Variants in STK10 observed in about 807,000 individuals in gnomAD.
The protein encoded by STK10 is serine/threonine-protein kinase 10.
STK10 carries 78 observed loss-of-function variants against 113.8 expected under a neutral mutation model. The observed-to-expected ratio is 0.69, with a 90% CI of 0.57 to 0.83. STK10 has a LOEUF of 0.83. Ranked by LOEUF, STK10 falls within the 40% of genes least tolerant of loss-of-function variation. The pLI is 0.00. For missense variants in STK10, 1,109 were observed against 1,280.1 expected (o/e 0.87, Z 2.04); for synonymous variants, 465 against 494.7 (o/e 0.94, Z 0.80).
rs150650972 is a variant in STK10, at chr5:172,102,873, T to A, written c.870+2783A>T. On this transcript the variant is annotated intron_variant, in intron 7 of 18. Transcript: ENST00000176763. ...TCCTGTGCAGCCAGCACTCTCTACA[T>A]CTTACAGATGAGGAAACTGAGGCAC... Among the ~76,000 whole-genome samples the A allele has an allele frequency of 4.9e-5, 7 of 142,044 alleles. No homozygotes were observed. In the East Asian group the frequency reaches 1.6e-3, roughly 33 times the overall value. 93.2% of individuals were successfully genotyped at this position (142,044 alleles called of 152,430 possible). A position where few individuals can be genotyped will look rare whatever the true frequency, so the allele number is the denominator to read the frequency against.
At chr5:172,167,275 A>C (rs7715706) in intron 1 of STK10, among the ~76,000 whole-genome samples, 60,613 of 151,838 alleles carry the variant, frequency 0.4, 13,235 homozygotes, top group African/African-American at 0.58. Flanking sequence ...CAATGGTTAA[A>C]TTAACTTAAT....
intron 3 of STK10, 148 bp from the exon 4 acceptor site, chr5:172,117,778 G>A (rs1163626381): frequency 1.8e-6 from 2 of 1,116,470 alleles, no homozygotes; most frequent in Non-Finnish European, 2.5e-6. Flanking sequence ...ACTTTGAGAG[G>A]CCGAGGCAGG....
rs1769084640 is a variant in STK10 at position 172,105,666 on chromosome 5, T to C, written c.860A>G (p.Gln287Arg). 2 of 1,613,818 alleles carry C rather than the reference T, an allele frequency of 1.2e-6. No individual in the cohort carries two copies. The highest frequency in any genetic ancestry group is 1.3e-5 in the African/African-American group (1 of 75,040). The part of the protein sequence containing the change: ...KNPETRPSAA[Q>R]LLEHPFVSSI... ...GGGGAATCCACTCACCTCCAGCAGCTGCGCGGCACTGGGTCGGGTTTCTGG... is the reference window on the plus strand; with the variant it reads ...GGGGAATCCACTCACCTCCAGCAGCCGCGCGGCACTGGGTCGGGTTTCTGG... The change falls in exon 7 of 19, where the codon CAG (glutamine) becomes CGG (arginine). Residue 287 changes from glutamine (Q) to arginine (R), a missense_variant. Gln to Arg is a conservative substitution (Grantham distance 43). Transcript: ENST00000176763.
intron 2 of STK10, among the ~76,000 whole-genome samples, chr5:172,146,058 T>C (rs1287115500): frequency 6.7e-6 from 1 of 150,316 alleles, no homozygotes; most frequent in African/African-American, 2.5e-5. Flanking sequence ...ACAGCACACG[T>C]CACCAACTCA....
At chr5:172,069,675 C>A (rs1451660754) in intron 12 of STK10, among the ~76,000 whole-genome samples, 1 of 152,132 alleles carries the variant, frequency 6.6e-6, no homozygotes, top group East Asian at 1.9e-4. Flanking sequence ...CAAAAGCTGA[C>A]AGAACTGAAT....
At chr5:172,076,882 T>G (rs574528508) in intron 12 of STK10, among the ~76,000 whole-genome samples, 21 of 152,154 alleles carry the variant, frequency 1.4e-4, no homozygotes, top group African/African-American at 4.8e-4. Flanking sequence ...TTTCTTGATT[T>G]TCCAGGACAG....
chr5:172,148,948 G>A (rs527851655), intron 2 of STK10, among the ~76,000 whole-genome samples: 13 of 152,336 alleles, frequency 8.5e-5, no homozygotes. Context: ...CACTTTGGGA[G>A]GCGGAGGGAG....
chr5:172,047,942 A>C (rs1168751046), intron 18 of STK10, among the ~76,000 whole-genome samples: 4 of 120,066 alleles, frequency 3.3e-5, no homozygotes, highest in Non-Finnish European at 6.3e-5. Flanking sequence ...TTGCTCTGTC[A>C]CCCAGGCTGG....
chr5:172,111,778 T>C (rs1769242947), intron 4 of STK10, among the ~76,000 whole-genome samples: 1 of 152,242 alleles, frequency 6.6e-6, no homozygotes, highest in South Asian at 2.1e-4. Flanking sequence ...GTTGTATCCC[T>C]GGCACGTTAT....
intron 12 of STK10, among the ~76,000 whole-genome samples, chr5:172,075,395 T>TG (rs1353285869): frequency 1.3e-5 from 2 of 151,804 alleles, no homozygotes; most frequent in Admixed American, 1.3e-4. Context: ...TACATATGGG[T>TG]GCCAGGCGCG....
chr5:172,091,761 T>C (rs1433830302), intron 9 of STK10, among the ~76,000 whole-genome samples: 1 of 152,202 alleles, frequency 6.6e-6, no homozygotes, highest in Non-Finnish European at 1.5e-5. Flanking sequence ...CTCGAACTCC[T>C]GACCTCGTGA....
chr5:172,055,449 CAA>C (rs1767726476), intron 16 of STK10, 137 bp downstream of exon 16: 8 of 941,136 alleles, frequency 8.5e-6, no homozygotes, highest in East Asian at 3.3e-5. Context: ...CTCGGCCTCT[CAA>C]AGTGTTGGGA....
chr5:172,093,406 T>C lies in STK10; in HGVS notation c.1554+6A>G. On this transcript the variant is annotated splice_donor_region_variant and intron_variant, in intron 9 of 18. Transcript: ENST00000176763. This position sits in a 1 kb window ranked among gnomAD's most constrained non-coding sequence, Gnocchi z 4.1. The stretch of plus-strand genomic sequence containing the variant: ...TGCAAGCCCGTGGTGGCAGAGGCGG[T>C]GTTACCTTGATGGACAGAGAGCCCA... 6.3e-7 allele frequency: 1 copy of C among 1,581,880 alleles called. No homozygotes were observed. The highest frequency in any genetic ancestry group is 8.6e-7 in the Non-Finnish European group (1 of 1,157,780).
rs1768454803 is a variant in STK10 at position 172,082,430 on chromosome 5, G to A, written c.1885C>T (p.Gln629Ter). 2 of 1,611,876 alleles carry A rather than the reference G, an allele frequency of 1.2e-6. No individual in the cohort carries two copies. The highest frequency in any genetic ancestry group is 1.7e-6 in the Non-Finnish European group (2 of 1,178,992). Reference sequence around the variant, plus strand: ...TCCCGGCGGCGCACGGCATGGTCTTGCTCCATCTTCTCCACTTGCTGCTTT... The same window carrying A: ...TCCCGGCGGCGCACGGCATGGTCTTACTCCATCTTCTCCACTTGCTGCTTT... ...QQKQQVEKME[Q>*]DHAVRRREEA... The change falls in exon 12 of 19, where the codon CAA becomes TAA. Residue 629 changes from glutamine (Q) to a stop codon, truncating the protein, a stop_gained. Coordinates refer to ENST00000176763, the MANE Select transcript of STK10 (RefSeq NM_005990.4). LOFTEE classifies it high-confidence loss of function. The surrounding 1 kb of genome is among the most constrained non-coding windows in gnomAD (Gnocchi z 4.3).
At chr5:172,147,298 C>T (rs543920591) in intron 2 of STK10, among the ~76,000 whole-genome samples, 13 of 152,160 alleles carry the variant, frequency 8.5e-5, no homozygotes, top group African/African-American at 3.1e-4. Context: ...GACTTCGTTA[C>T]ACAGGCATGA....
In STK10 at chr5:172,057,363, G is replaced by T. The variant is rs762092812; in HGVS notation, c.2323C>A (p.Arg775Ser). The stretch of plus-strand genomic sequence containing the variant: ...GGCAGCCTCACCTTCTCATGCTTGC[G>T]CAGCAGCTCGTGCCGCTGGAGGAAG... ...QYFLQRHELL[R>S]KHEKEREQMQ... Residue 775 changes from arginine (R) to serine (S), a missense_variant, in exon 15 of 19, where the codon CGC (arginine) becomes AGC (serine). Arg to Ser is a moderately radical substitution (Grantham distance 110, BLOSUM62 -1). This residue lies in a region of STK10 where 885 missense variants were observed against 991.1 expected (regional missense o/e 0.89). Transcript: ENST00000176763. 39 of 1,574,802 alleles carry T rather than the reference G, an allele frequency of 2.5e-5. No homozygotes were observed. In the East Asian group the frequency reaches 3.3e-4, roughly 13 times the overall value.
intron 4 of STK10, among the ~76,000 whole-genome samples, chr5:172,112,438 T>C (rs991902047): frequency 0.012 from 1,697 of 141,508 alleles, 28 homozygotes; most frequent in African/African-American, 0.041. Context: ...TTTTTTTTTT[T>C]TGAGACAGAG....
At chr5:172,058,082 C>T (rs566410533) in intron 14 of STK10, among the ~76,000 whole-genome samples, 1 of 152,300 alleles carries the variant, frequency 6.6e-6, no homozygotes, top group Admixed American at 6.5e-5. Context: ...TCTATTAATC[C>T]ACCCCTGTGC....
Position 172,055,764 on chromosome 5 carries a change from T to C in STK10, c.2350A>G (p.Met784Val). 6.7e-7 allele frequency: 1 copy of C among 1,502,662 alleles called. No individual in the cohort carries two copies. The highest frequency in any genetic ancestry group is 9.0e-7 in the Non-Finnish European group (1 of 1,116,698). 93.1% of individuals were successfully genotyped at this position (1,502,662 alleles called of 1,614,324 possible). The change falls in exon 16 of 19, where the codon ATG (methionine) becomes GTG (valine). Residue 784 changes from methionine to valine, a missense_variant. By Grantham distance (21) the Met-to-Val change is conservative (BLOSUM62 1). Transcript: ENST00000176763. ...ATCATGCGCTGGTTGTAGCGCTGCA[T>C]CTGCTCCCGCTCCTGGAGAGGAATA... ...LRKHEKEREQMQRYNQRMIEQ... is the reference protein window; with the variant it reads ...LRKHEKEREQVQRYNQRMIEQ...
Sources: allele counts gnomAD v4.1 joint callset (sites outside exome capture counted in the v4.1 genomes callset), GRCh38; gene constraint gnomAD v4.1.1; regional missense constraint gnomAD v4.1.1; non-coding constraint Gnocchi (gnomAD v3.1); transcripts MANE v1.5; gene names NCBI Gene and HGNC (gene_info 2026-07-23, HGNC 2026-07-21).